SRSF7: variants seen among roughly 807,000 people sequenced by gnomAD.
SRSF7 encodes the protein serine and arginine rich splicing factor 7.
SRSF7 carries 15 observed loss-of-function variants against 42.2 expected under a neutral mutation model. The observed-to-expected ratio is 0.36, with a 90% confidence interval of 0.24 to 0.55. The LOEUF (loss-of-function observed/expected upper bound fraction) is 0.55. SRSF7 is among the 20% of genes least tolerant of loss of function. SRSF7 has a pLI of 0.88. For missense variants in SRSF7, 181 were observed against 305.9 expected (o/e 0.59, Z 3.04); for synonymous variants, 138 against 107.9 (o/e 1.28, Z -1.73).
At position 38,751,334 on chromosome 2, in the gene SRSF7, CA is replaced by C; in HGVS notation, c.-79del. On this transcript the variant is annotated 5_prime_UTR_variant, in exon 1 of 8. Coordinates refer to ENST00000313117, the MANE Select transcript of SRSF7 (RefSeq NM_001031684.3). Reference sequence around the variant, plus strand: ...TGACGCAAAAGCTGACACACACCTTCACCCGCCAAGAGTCCCGGCGGCACTA... The same window carrying C: ...TGACGCAAAAGCTGACACACACCTTCCCCGCCAAGAGTCCCGGCGGCACTA... 3 of 1,599,336 alleles carry C rather than the reference CA, an allele frequency of 1.9e-6. No individual in the cohort carries two copies. The highest frequency in any genetic ancestry group is 1.3e-5 in the African/African-American group (1 of 74,684).
At chr2:38,747,772 G>C (rs1667689007) in intron 5 of SRSF7, among the ~76,000 whole-genome samples, 1 of 152,166 alleles carries the variant, frequency 6.6e-6, no homozygotes, top group Non-Finnish European at 1.5e-5. Flanking sequence ...AGCCAGAAAA[G>C]TTTATAGCAA....
At chr2:38,746,636 A>T (rs1356230411) in intron 6 of SRSF7, 58 bp downstream of exon 6, 1 of 1,601,440 alleles carries the variant, frequency 6.2e-7, no homozygotes, top group African/African-American at 1.4e-5. Context: ...AAACACTTTG[A>T]ACTCTTTGGA....
intron 7 of SRSF7, 56 bp downstream of exon 7, chr2:38,746,088 A>G: frequency 6.3e-7 from 1 of 1,599,266 alleles, no homozygotes; most frequent in Non-Finnish European, 8.6e-7. Flanking sequence ...AAGCAAACAA[A>G]TTCTGCAGAG....
At chr2:38,750,336 T>A (rs1464249788) in intron 1 of SRSF7, 142 bp from the exon 2 acceptor site, 6 of 669,392 alleles carry the variant, frequency 9.0e-6, no homozygotes, top group Non-Finnish European at 1.2e-5. Flanking sequence ...AACTTAGTCG[T>A]AAAACTGGTG....
At chr2:38,746,955 A>C in intron 5 of SRSF7, 1 of 789,348 alleles carries the variant, frequency 1.3e-6, no homozygotes, top group African/African-American at 1.7e-5. Context: ...CTATCACTCA[A>C]TTGGTTAGTT....
At chr2:38,746,410 C>T (rs997093165) in intron 6 of SRSF7, among the ~76,000 whole-genome samples, 25 of 152,186 alleles carry the variant, frequency 1.6e-4, no homozygotes, top group African/African-American at 6.0e-4. Context: ...CTGCTTTAAG[C>T]ACATCGATTT....
At chr2:38,750,445 T>C (rs918487546) in intron 1 of SRSF7, among the ~76,000 whole-genome samples, 1 of 151,664 alleles carries the variant, frequency 6.6e-6, no homozygotes, top group Non-Finnish European at 1.5e-5. Context: ...AAACGCGTGG[T>C]AGGATACACC....
At chr2:38,750,355 C>G (rs1668104442) in intron 1 of SRSF7, among the ~76,000 whole-genome samples, 161 bp from the exon 2 acceptor site, 2 of 152,066 alleles carry the variant, frequency 1.3e-5, no homozygotes, top group South Asian at 4.2e-4. Context: ...TGAAAGTCCG[C>G]AAATCCCTGA....
At chr2:38,751,435 C>T (rs963254443), upstream of SRSF7, 2 of 803,998 alleles carry the variant, frequency 2.5e-6, no homozygotes, top group Non-Finnish European at 4.0e-6. Flanking sequence ...TTGTTCTGCG[C>T]GGCACAAAGG....
At chr2:38,748,188 C>T in intron 4 of SRSF7, 31 bp from the exon 5 acceptor site, 1 of 1,448,916 alleles carries the variant, frequency 6.9e-7, no homozygotes, top group Non-Finnish European at 9.5e-7. Flanking sequence ...TCCATCTCCA[C>T]AGTTTTTTTT....
Position 38,743,897 on chromosome 2 carries a change from G to GT in SRSF7, c.*1235_*1236insA. On this transcript the variant is annotated 3_prime_UTR_variant, in exon 8 of 8. Transcript: ENST00000313117. ...AGCCTAGGTATCTGCGCAACCAGCA[G>GT]GTTTTTTTTTTTTTGTACCAAGGCT... The GT allele has an allele frequency of 9.8e-6, 1 of 102,520 alleles. No homozygotes were observed. The highest frequency in any genetic ancestry group is 9.1e-5 in the Admixed American group (1 of 10,960). The allele number at this position is 102,520 out of a possible 1,614,324, so 6.4% of individuals were successfully genotyped here.
Position 38,746,675 on chromosome 2 carries a change from A to G in SRSF7, c.626+19T>C, listed in dbSNP as rs769105173. The G allele has an allele frequency of 3.1e-6, 5 of 1,612,764 alleles. No homozygotes were observed. Among genetic ancestry groups the G allele is most frequent in the Non-Finnish European group, 4.2e-6 (5 of 1,179,704 alleles). On this transcript the variant is annotated intron_variant, in intron 6 of 7. Transcript: ENST00000313117. Reference sequence around the variant, plus strand: ...TGGTGCCATATAACTAGAAAAGCATAATCAAATTTTTACCCTACCTGCTTC... The same window carrying G: ...TGGTGCCATATAACTAGAAAAGCATGATCAAATTTTTACCCTACCTGCTTC...
At chr2:38,751,004 G>A (rs763655098) in intron 1 of SRSF7, 44 of 556,718 alleles carry the variant, frequency 7.9e-5, no homozygotes, top group Middle Eastern at 3.6e-4. Flanking sequence ...AGGCTGGATT[G>A]GGCCACAAAA....
Position 38,748,067 on chromosome 2 carries a change from T to C in SRSF7, c.552A>G (p.Ile184Met). Residue 184 changes from isoleucine (I) to methionine (M), a missense_variant, in exon 5 of 8, where the codon ATA becomes ATG. Physicochemically the swap from Ile to Met is conservative, Grantham distance 10. Transcript: ENST00000313117. ...ASLRRSRSGS[I>M]KGSRYFQSPS... ...CATACTGGAAATACCTCGATCCTTT[T>C]ATAGAACCAGACCTAGATCTTCTGA... 482 of 1,613,542 alleles carry C rather than the reference T, an allele frequency of 3.0e-4. 6 individuals carry two copies. In the South Asian group the frequency reaches 5.1e-3, roughly 17 times the overall value.
Position 38,745,057 on chromosome 2 carries a change from C to T in SRSF7, c.*76G>A. 2.1e-6 allele frequency: 3 copies of T among 1,433,826 alleles called. No individual in the cohort carries two copies. The South Asian group carries it at 3.6e-5, about 17-fold the overall frequency. 88.8% of individuals were successfully genotyped at this position (1,433,826 alleles called of 1,614,324 possible). A position where few individuals can be genotyped will look rare whatever the true frequency, so the allele number is the denominator to read the frequency against. ...TGGTTGAATTATCTTTCCTAGGTTA[C>T]ACTTTACAGACATCACAAATCCCTT... On this transcript the variant is annotated 3_prime_UTR_variant, in exon 8 of 8. Coordinates refer to ENST00000313117, the MANE Select transcript of SRSF7 (RefSeq NM_001031684.3).
Position 38,751,264 on chromosome 2 carries a change from G to C in SRSF7, c.-8C>G. Reference sequence around the variant, plus strand: ...CCGCCCGTAACGCGACATGATGACAGACCCGCGTGCTCGGCTCTTTAGCAA... The same window carrying C: ...CCGCCCGTAACGCGACATGATGACACACCCGCGTGCTCGGCTCTTTAGCAA... On this transcript the variant is annotated 5_prime_UTR_variant, in exon 1 of 8. Transcript: ENST00000313117. 9 of 1,614,006 alleles carry C rather than the reference G, an allele frequency of 5.6e-6. No individual in the cohort carries two copies. Among genetic ancestry groups the C allele is most frequent in the African/African-American group, 2.7e-5 (2 of 74,932 alleles).
chr2:38,747,964 C>T, intron 5 of SRSF7, 83 bp downstream of exon 5: 1 of 910,524 alleles, frequency 1.1e-6, no homozygotes, highest in Non-Finnish European at 1.7e-6. Context: ...CTGAAGCAAT[C>T]CATTTGAATT....
intron 3 of SRSF7, 200 bp from the exon 4 acceptor site, chr2:38,748,853 A>G: frequency 7.5e-7 from 1 of 1,341,738 alleles, no homozygotes; most frequent in East Asian, 2.6e-5. Context: ...ATTACAACTT[A>G]GCATTACATA....
intron 7 of SRSF7, 131 bp downstream of exon 7, chr2:38,746,013 C>T (rs1572559677): frequency 1.2e-6 from 1 of 816,812 alleles, no homozygotes; most frequent in Admixed American, 2.6e-5. Flanking sequence ...ATTTCAGAAA[C>T]TTAGCATAGT....
Sources: allele counts gnomAD v4.1 joint callset (sites outside exome capture counted in the v4.1 genomes callset), GRCh38; gene constraint gnomAD v4.1.1; transcripts MANE v1.5; gene names NCBI Gene and HGNC (gene_info 2026-07-23, HGNC 2026-07-21).